NRXN3: variants seen among roughly 807,000 people sequenced by gnomAD.
NRXN3 encodes neurexin III.
A neutral mutation model predicts 137.6 loss-of-function variants in NRXN3; 32 were observed. The observed-to-expected ratio is 0.23, with a 90% CI of 0.18 to 0.31. NRXN3 has a LOEUF of 0.31. Ranked by LOEUF, NRXN3 falls within the 10% of genes least tolerant of loss-of-function variation. The pLI is 1.00. For synonymous variants in NRXN3, 798 were observed against 784.5 expected (o/e 1.02, Z -0.29); for missense variants, 1,574 against 2,062.5 (o/e 0.76, Z 4.59).
At chr14:79,821,015 G>A (rs543811224) in intron 20 of NRXN3, among the ~76,000 whole-genome samples, 2 of 152,246 alleles carry the variant, frequency 1.3e-5, no homozygotes, top group African/African-American at 4.8e-5. Flanking sequence ...CAAACAAAAT[G>A]AAGAGATGAT....
At chr14:79,692,369 G>T (rs2154025700) in intron 18 of NRXN3, 107 bp downstream of exon 18, 1 of 819,296 alleles carries the variant, frequency 1.2e-6, no homozygotes, top group South Asian at 1.6e-5. Flanking sequence ...CTGCATAAAT[G>T]ACTGTTTTAA....
Position 79,790,481 on chromosome 14 carries a change from T to A in NRXN3, c.4015-14631T>A, listed in dbSNP as rs373909204. On this transcript the variant is annotated intron_variant, in intron 19 of 20. Coordinates refer to ENST00000335750, the MANE Select transcript of NRXN3 (RefSeq NM_001330195.2). ...CCACACCTAATGTTTAATTTTTTTTTAATTTTTTGTTGAGATGGGATTTCA... is the reference window on the plus strand; with the variant it reads ...CCACACCTAATGTTTAATTTTTTTTAAATTTTTTGTTGAGATGGGATTTCA... 1.8e-3 allele frequency among the ~76,000 whole-genome samples: 278 copies of A among 152,144 alleles called. 1 individual carries two copies. The highest frequency in any genetic ancestry group is 9.6e-3 in the South Asian group (46 of 4,812).
chr14:79,267,658 T>C (rs1458115978), intron 15 of NRXN3, among the ~76,000 whole-genome samples: 1 of 151,750 alleles, frequency 6.6e-6, no homozygotes, highest in East Asian at 1.9e-4. Context: ...AAGTTTTGTA[T>C]TTTTAGTAGA....
chr14:79,865,849 G>A lies in NRXN3; in HGVS notation c.*3885G>A, dbSNP rs1398422554. 6.6e-6 allele frequency: 1 copy of A among 152,056 alleles called. No homozygotes were observed. Among genetic ancestry groups the A allele is most frequent in the African/African-American group, 2.4e-5 (1 of 41,398 alleles). The allele number at this position is 152,056 out of a possible 1,614,324, so 9.4% of individuals were successfully genotyped here. ...GGAAGGGTTTCACCATGTTGGCAAG[G>A]CTGGTCTCGAACTCCTTACTTCAAG... On this transcript the variant is annotated 3_prime_UTR_variant, in exon 21 of 21. Transcript: ENST00000335750.
chr14:79,574,636 G>A (rs2097647876), intron 16 of NRXN3, among the ~76,000 whole-genome samples: 1 of 152,076 alleles, frequency 6.6e-6, no homozygotes, highest in Non-Finnish European at 1.5e-5. Context: ...CTCAGACGTG[G>A]TGGCTGGCTT....
At chr14:78,178,830 C>T (rs1460390578) in intron 1 of NRXN3, among the ~76,000 whole-genome samples, 1 of 152,158 alleles carries the variant, frequency 6.6e-6, no homozygotes, top group Non-Finnish European at 1.5e-5. Context: ...CTGCACCACC[C>T]TCCATCCTGA....
intron 4 of NRXN3, among the ~76,000 whole-genome samples, chr14:78,453,347 A>G (rs1399834521): frequency 6.6e-6 from 1 of 152,242 alleles, no homozygotes; most frequent in African/African-American, 2.4e-5. Flanking sequence ...AAGAACTGGA[A>G]AATAAGGCAA....
At chr14:79,750,092 AATTG>A (rs2098992540) in intron 19 of NRXN3, among the ~76,000 whole-genome samples, 2 of 152,118 alleles carry the variant, frequency 1.3e-5, no homozygotes, top group South Asian at 4.2e-4. Flanking sequence ...TAGCCCTTAT[AATTG>A]ACCAGTGCCT....
At chr14:78,570,029 G>C (rs1385992057) in intron 4 of NRXN3, among the ~76,000 whole-genome samples, 1 of 152,214 alleles carries the variant, frequency 6.6e-6, no homozygotes, top group Non-Finnish European at 1.5e-5. Context: ...TGAAAATGGG[G>C]ATAATGTGTG....
intron 15 of NRXN3, among the ~76,000 whole-genome samples, chr14:79,157,675 G>A (rs1272330249): frequency 6.6e-6 from 1 of 151,804 alleles, no homozygotes; most frequent in Non-Finnish European, 1.5e-5. Context: ...GTTATGTACT[G>A]TCATTTGATG....
At chr14:79,206,540 T>C (rs1424546672) in intron 15 of NRXN3, among the ~76,000 whole-genome samples, 1 of 152,196 alleles carries the variant, frequency 6.6e-6, no homozygotes, top group African/African-American at 2.4e-5. Flanking sequence ...TGAGCTGAAG[T>C]ATACAAGTAT....
chr14:79,366,023 G>A (rs1338912207), intron 15 of NRXN3, among the ~76,000 whole-genome samples: 1 of 152,032 alleles, frequency 6.6e-6, no homozygotes, highest in African/African-American at 2.4e-5. Flanking sequence ...GATGAACCAT[G>A]CAAGCACCCC....
intron 16 of NRXN3, among the ~76,000 whole-genome samples, chr14:79,620,570 A>G (rs535859284): frequency 6.6e-6 from 1 of 152,306 alleles, no homozygotes; most frequent in African/African-American, 2.4e-5. Flanking sequence ...CCCTGGCAGC[A>G]TGGCTGAATA....
intron 16 of NRXN3, among the ~76,000 whole-genome samples, chr14:79,619,996 G>A (rs780769219): frequency 6.6e-6 from 1 of 152,092 alleles, no homozygotes; most frequent in Non-Finnish European, 1.5e-5. Flanking sequence ...CTGAAAAGAA[G>A]TTATTGTCTT....
chr14:78,403,827 A>T (rs993360703), intron 4 of NRXN3: 1 of 985,246 alleles, frequency 1.0e-6, no homozygotes, highest in African/African-American at 1.7e-5. Context: ...TTTCTCAGGG[A>T]TATGCACTCT....
intron 16 of NRXN3, among the ~76,000 whole-genome samples, chr14:79,560,884 G>A (rs560716951): frequency 6.6e-6 from 1 of 152,184 alleles, no homozygotes; most frequent in African/African-American, 2.4e-5. Flanking sequence ...AACTTAAAGT[G>A]TTCCATCTCA....
chr14:79,156,983 G>T (rs1363272048), intron 15 of NRXN3, among the ~76,000 whole-genome samples: 1 of 151,724 alleles, frequency 6.6e-6, no homozygotes, highest in Non-Finnish European at 1.5e-5. Context: ...ACAATAAAAG[G>T]TATTTCCAGA....
chr14:79,264,054 G>A (rs116661067), intron 15 of NRXN3, among the ~76,000 whole-genome samples: 271 of 152,236 alleles, frequency 1.8e-3, no homozygotes, highest in African/African-American at 6.2e-3. Context: ...TACAGAATGT[G>A]TAGCTTAAAC....
chr14:78,263,532 CT>C (rs1279476980), intron 2 of NRXN3, among the ~76,000 whole-genome samples: 1 of 152,060 alleles, frequency 6.6e-6, no homozygotes, highest in Non-Finnish European at 1.5e-5. Flanking sequence ...CATATAATTC[CT>C]CGATTCATTT....
Sources: gnomAD v4.1 joint callset for allele counts (sites outside exome capture counted in the v4.1 genomes callset) on GRCh38, gnomAD v4.1.1 for gene constraint, MANE v1.5 for transcripts, NCBI Gene and HGNC (gene_info 2026-07-23, HGNC 2026-07-21) for gene names.